MYO1E: variants seen among roughly 807,000 people sequenced by gnomAD.
MYO1E encodes unconventional myosin-Ie.
Under a neutral mutation model 151.1 loss-of-function variants are expected in MYO1E, and 68 were observed. The ratio of observed to expected loss-of-function variants is 0.45; its 90% confidence interval spans 0.37 to 0.55. MYO1E has a LOEUF of 0.55. Among genes scored for constraint, MYO1E ranks in the 20% least tolerant of loss-of-function variants. The pLI, the probability that MYO1E is intolerant of heterozygous loss-of-function variation, is 0.00. For synonymous variants in MYO1E, 601 were observed against 501.7 expected, an observed-to-expected ratio of 1.20 and a Z score of -2.64; for missense variants, 1,363 against 1,389.3, an observed-to-expected ratio of 0.98 and a Z score of 0.30.
intron 1 of MYO1E, among the ~76,000 whole-genome samples, chr15:59,273,887 T>G (rs531283139): frequency 6.6e-6 from 1 of 152,130 alleles, no homozygotes; most frequent in South Asian, 2.1e-4. Context: ...CTCGGGGGAC[T>G]TCGAATGAAG....
At chr15:59,224,420 T>C (rs141906188) in intron 8 of MYO1E, among the ~76,000 whole-genome samples, 1 of 152,294 alleles carries the variant, frequency 6.6e-6, no homozygotes, top group East Asian at 1.9e-4. Context: ...AACGTATGAA[T>C]CATTTTTGCC....
intron 14 of MYO1E, chr15:59,206,839 C>G (rs1188209238): frequency 8.1e-7 from 1 of 1,235,198 alleles, no homozygotes; most frequent in African/African-American, 1.5e-5. Context: ...CGCGCACCTG[C>G]CGTAGAGTGC....
At position 59,204,394 on chromosome 15, in the gene MYO1E, G is replaced by A. The variant is rs185294093; in HGVS notation, c.1616+1006C>T. 1.4e-4 allele frequency among the ~76,000 whole-genome samples: 22 copies of A among 152,290 alleles called. No individual in the cohort carries two copies. In the East Asian group the frequency reaches 2.3e-3, roughly 16 times the overall value. On this transcript the variant is annotated intron_variant, in intron 15 of 27. Coordinates refer to ENST00000288235, the MANE Select transcript of MYO1E (RefSeq NM_004998.4). ...CCTTTAATAGGAAATTATCAGGCTC[G>A]CTGCTGTTGATCAGAGAAGCTGGCC...
chr15:59,313,952 C>G (rs933434197), intron 1 of MYO1E, among the ~76,000 whole-genome samples: 1 of 152,248 alleles, frequency 6.6e-6, no homozygotes, highest in Non-Finnish European at 1.5e-5. Context: ...CCCAGACTGA[C>G]TGGAACAGGA....
At chr15:59,186,605 T>C (rs1435546674) in intron 18 of MYO1E, among the ~76,000 whole-genome samples, 2 of 152,220 alleles carry the variant, frequency 1.3e-5, no homozygotes. Context: ...TAAAAAGTCA[T>C]CTGGGCATGG....
intron 10 of MYO1E, among the ~76,000 whole-genome samples, chr15:59,215,581 C>T (rs1464799176): frequency 7.2e-5 from 11 of 152,016 alleles, no homozygotes; most frequent in African/African-American, 1.2e-4. Context: ...GGAATGTAAG[C>T]GAACAATTCT....
At chr15:59,278,194 T>C (rs2080332804) in intron 1 of MYO1E, among the ~76,000 whole-genome samples, 1 of 152,136 alleles carries the variant, frequency 6.6e-6, no homozygotes, top group Non-Finnish European at 1.5e-5. Context: ...GTCTGAGCCA[T>C]TTAGTTGGCC....
intron 1 of MYO1E, among the ~76,000 whole-genome samples, chr15:59,361,009 G>C (rs116576175): frequency 6.6e-6 from 1 of 152,192 alleles, no homozygotes; most frequent in Non-Finnish European, 1.5e-5. Context: ...GTTGAAAAAT[G>C]TGTGTGCCCT....
chr15:59,353,757 CA>C (rs11366940), intron 1 of MYO1E, among the ~76,000 whole-genome samples: 121,784 of 129,824 alleles, frequency 0.94, 57,165 homozygotes, highest in East Asian at 0.99. Flanking sequence ...AACTCCGTCT[CA>C]AAAAAAAAAA....
At chr15:59,164,944 A>C (rs1320439649) in intron 22 of MYO1E, among the ~76,000 whole-genome samples, 1 of 152,190 alleles carries the variant, frequency 6.6e-6, no homozygotes, top group Non-Finnish European at 1.5e-5. Flanking sequence ...GAATTGGATT[A>C]GTGACCTTAC....
chr15:59,289,825 T>C (rs1402275395), intron 1 of MYO1E, among the ~76,000 whole-genome samples: 2 of 152,168 alleles, frequency 1.3e-5, no homozygotes, highest in Admixed American at 6.5e-5. Context: ...ATGGACATGG[T>C]TGGGTCACAC....
intron 1 of MYO1E, among the ~76,000 whole-genome samples, chr15:59,358,539 C>T (rs1453916146): frequency 4.6e-5 from 7 of 152,116 alleles, no homozygotes; most frequent in Admixed American, 4.6e-4. Context: ...ACACCCCAAG[C>T]CCTAGTTCTA....
At chr15:59,290,823 T>C (rs892439163) in intron 1 of MYO1E, among the ~76,000 whole-genome samples, 1 of 152,156 alleles carries the variant, frequency 6.6e-6, no homozygotes, top group South Asian at 2.1e-4. Context: ...TCAGAGCTGG[T>C]AGTAAATGCT....
chr15:59,300,315 G>C (rs202209322), intron 1 of MYO1E, among the ~76,000 whole-genome samples: 5 of 138,770 alleles, frequency 3.6e-5, no homozygotes, highest in Non-Finnish European at 6.2e-5. Flanking sequence ...CACACACACA[G>C]ACACACACAC....
At chr15:59,274,528 T>C (rs1161444143) in intron 1 of MYO1E, among the ~76,000 whole-genome samples, 11 of 152,148 alleles carry the variant, frequency 7.2e-5, no homozygotes, top group African/African-American at 1.7e-4. Flanking sequence ...TGCAGATTGG[T>C]TGGTTGGTTT....
At chr15:59,182,134 A>C (rs1373694980) in intron 18 of MYO1E, among the ~76,000 whole-genome samples, 3 of 152,176 alleles carry the variant, frequency 2.0e-5, no homozygotes, top group African/African-American at 7.2e-5. Flanking sequence ...TTTGAAATAT[A>C]GTGTGGGGGA....
intron 4 of MYO1E, among the ~76,000 whole-genome samples, chr15:59,245,261 G>A (rs1405217165): frequency 6.6e-6 from 1 of 152,184 alleles, no homozygotes; most frequent in Non-Finnish European, 1.5e-5. Context: ...ACAGCAAAGA[G>A]CACGAGAGAC....
At chr15:59,208,246 T>A (rs1191720159) in intron 14 of MYO1E, 6 of 666,376 alleles carry the variant, frequency 9.0e-6, no homozygotes, top group Non-Finnish European at 1.5e-5. Context: ...TTATTGAGCA[T>A]CCACGTGCTG....
intron 4 of MYO1E, among the ~76,000 whole-genome samples, chr15:59,240,612 T>C (rs1375427284): frequency 6.6e-6 from 1 of 152,228 alleles, no homozygotes; most frequent in Non-Finnish European, 1.5e-5. Flanking sequence ...TATTTTGATT[T>C]TTTGAGATAT....
Sources: allele counts gnomAD v4.1 joint callset (sites outside exome capture counted in the v4.1 genomes callset), GRCh38; gene constraint gnomAD v4.1.1; transcripts MANE v1.5; gene names NCBI Gene and HGNC (gene_info 2026-07-23, HGNC 2026-07-21).